The following SPTLC3 variants were observed in gnomAD, a reference collection of about 807,000 sequenced individuals.
SPTLC3 encodes serine palmitoyltransferase 3.
Under a neutral mutation model 59.3 loss-of-function variants are expected in SPTLC3, and 36 were observed. The ratio of observed to expected loss-of-function variants is 0.61; its 90% CI spans 0.47 to 0.80. The LOEUF (loss-of-function observed/expected upper bound fraction) is 0.80, where lower values mean the gene tolerates loss of function less well. SPTLC3 is among the 30% of genes least tolerant of loss of function. The pLI is 0.00. For missense variants in SPTLC3, 625 were observed against 685.1 expected (o/e 0.91, Z 0.98); for synonymous variants, 257 against 240.8 (o/e 1.07, Z -0.62).
At chr20:13,149,840 G>T (rs1600389158) in intron 9 of SPTLC3, among the ~76,000 whole-genome samples, 1 of 152,188 alleles carries the variant, frequency 6.6e-6, no homozygotes, top group Non-Finnish European at 1.5e-5. Flanking sequence ...AAGTAGCTAG[G>T]CAGCCAATGA....
At chr20:13,122,338 A>G (rs117600718) in intron 8 of SPTLC3, among the ~76,000 whole-genome samples, 3 of 152,356 alleles carry the variant, frequency 2.0e-5, no homozygotes, top group Non-Finnish European at 4.4e-5. Context: ...TGAGTAGATC[A>G]GGAACTCCCC....
chr20:13,158,377 G>A lies in SPTLC3; in HGVS notation c.1416-1626G>A, dbSNP rs2038821611. The stretch of plus-strand genomic sequence containing the variant: ...AATGCTCCAGGGAGACGCCAGGTTA[G>A]ACTAATGAATCAACAGAGTCATATA... On this transcript the variant is annotated intron_variant, in intron 10 of 11. Coordinates refer to ENST00000399002, the MANE Select transcript of SPTLC3 (RefSeq NM_018327.4). 2.0e-5 allele frequency among the ~76,000 whole-genome samples: 3 copies of A among 152,146 alleles called. No homozygotes were observed. In the South Asian group the frequency reaches 6.2e-4, roughly 32 times the overall value.
intron 1 of SPTLC3, among the ~76,000 whole-genome samples, chr20:13,041,402 TG>T (rs1387796765): frequency 6.6e-6 from 1 of 152,182 alleles, no homozygotes; most frequent in Non-Finnish European, 1.5e-5. Flanking sequence ...AGTAAGTTTT[TG>T]TTTCTGTTAT....
intron 1 of SPTLC3, among the ~76,000 whole-genome samples, chr20:13,012,574 C>G (rs1367487623): frequency 6.6e-6 from 1 of 152,120 alleles, no homozygotes; most frequent in Non-Finnish European, 1.5e-5. Context: ...GATACTAGTA[C>G]TAGAAGTTGG....
intron 2 of SPTLC3, among the ~76,000 whole-genome samples, chr20:13,068,761 A>AAAAC (rs961138405): frequency 1.3e-5 from 2 of 151,202 alleles, no homozygotes; most frequent in Non-Finnish European, 2.9e-5. Flanking sequence ...AAAAAAAAAA[A>AAAAC]AACAACAACA....
chr20:13,038,263 G>A (rs75629473), intron 1 of SPTLC3, among the ~76,000 whole-genome samples: 7,700 of 152,040 alleles, frequency 0.051, 234 homozygotes, highest in South Asian at 0.082. Context: ...GTAAAGAATA[G>A]GCATTAATTC....
rs999786173 is a variant in SPTLC3 at position 13,165,854 on chromosome 20, A to C, written c.*987A>C. On this transcript the variant is annotated 3_prime_UTR_variant, in exon 12 of 12. Transcript: ENST00000399002. ...ATTCTGACTTTTTCAAGACCAACAC[A>C]CTTGTTTAGGCCTATTAAATTGTAC... 1.3e-5 allele frequency: 2 copies of C among 152,142 alleles called. No homozygotes were observed. The highest frequency in any genetic ancestry group is 2.9e-5 in the Non-Finnish European group (2 of 68,010). The allele number at this position is 152,142 out of a possible 1,614,324, so 9.4% of individuals were successfully genotyped here.
intron 10 of SPTLC3, among the ~76,000 whole-genome samples, chr20:13,159,108 A>G (rs1344224072): frequency 6.6e-6 from 1 of 152,236 alleles, no homozygotes; most frequent in Non-Finnish European, 1.5e-5. Context: ...CTCTCAGCAC[A>G]AGATATTTAC....
At chr20:13,034,697 T>C (rs1480385574) in intron 1 of SPTLC3, among the ~76,000 whole-genome samples, 1 of 152,048 alleles carries the variant, frequency 6.6e-6, no homozygotes, top group Non-Finnish European at 1.5e-5. Context: ...AACTTTACCA[T>C]CACACATAAA....
intron 9 of SPTLC3, among the ~76,000 whole-genome samples, chr20:13,138,703 A>G (rs1185355324): frequency 1.3e-5 from 2 of 152,202 alleles, no homozygotes; most frequent in Non-Finnish European, 2.9e-5. Flanking sequence ...TAACTACTTC[A>G]TGGATGGGTG....
chr20:13,067,705 T>C (rs894578523), intron 2 of SPTLC3, among the ~76,000 whole-genome samples: 2 of 152,198 alleles, frequency 1.3e-5, no homozygotes, highest in Admixed American at 6.5e-5. Flanking sequence ...AGTTAGGTTC[T>C]TATACTTCAA....
rs938925867 is a variant in SPTLC3, at chr20:13,167,435, C to T, written c.*2568C>T. The T allele has an allele frequency of 6.6e-6, 1 of 152,116 alleles. No homozygotes were observed. The highest frequency in any genetic ancestry group is 2.4e-5 in the African/African-American group (1 of 41,408). 9.4% of individuals were successfully genotyped at this position (152,116 alleles called of 1,614,324 possible). A position where few individuals can be genotyped will look rare whatever the true frequency, so the allele number is the denominator to read the frequency against. On this transcript the variant is annotated 3_prime_UTR_variant, in exon 12 of 12. Coordinates refer to ENST00000399002, the MANE Select transcript of SPTLC3 (RefSeq NM_018327.4). ...TTCTATAATGTTATGCGCACTCAGCCCTTCTGTTCACATTTACACACATGC... is the reference window on the plus strand; with the variant it reads ...TTCTATAATGTTATGCGCACTCAGCTCTTCTGTTCACATTTACACACATGC...
intron 1 of SPTLC3, among the ~76,000 whole-genome samples, chr20:13,010,365 G>C (rs1383301186): frequency 6.6e-6 from 1 of 152,194 alleles, no homozygotes; most frequent in African/African-American, 2.4e-5. Flanking sequence ...AAGGCAGATT[G>C]TTCTAAGATC....
At chr20:13,078,599 C>A (rs1490014604) in intron 4 of SPTLC3, among the ~76,000 whole-genome samples, 1 of 151,996 alleles carries the variant, frequency 6.6e-6, no homozygotes, top group Non-Finnish European at 1.5e-5. Flanking sequence ...AAGTACTAAA[C>A]AATATAATTA....
chr20:13,015,543 T>A (rs776161512), intron 1 of SPTLC3, among the ~76,000 whole-genome samples: 1 of 152,136 alleles, frequency 6.6e-6, no homozygotes, highest in Non-Finnish European at 1.5e-5. Context: ...AGAGGAAGAC[T>A]CAGGATGAAA....
intron 9 of SPTLC3, among the ~76,000 whole-genome samples, chr20:13,148,065 G>A (rs927692559): frequency 6.6e-6 from 1 of 152,206 alleles, no homozygotes; most frequent in Admixed American, 6.5e-5. Flanking sequence ...TAACAGAGAA[G>A]AAATTTTCCT....
chr20:13,027,421 G>A (rs1457759797), intron 1 of SPTLC3, among the ~76,000 whole-genome samples: 1 of 152,088 alleles, frequency 6.6e-6, no homozygotes, highest in Non-Finnish European at 1.5e-5. Flanking sequence ...AGAAAAGTGA[G>A]ATCAAAACCA....
At chr20:13,103,348 T>C (rs1989689306) in intron 6 of SPTLC3, among the ~76,000 whole-genome samples, 1 of 152,220 alleles carries the variant, frequency 6.6e-6, no homozygotes, top group Non-Finnish European at 1.5e-5. Flanking sequence ...AAATACCCGC[T>C]ACTTACTATT....
chr20:13,009,301 G>A lies in SPTLC3; in HGVS notation c.34G>A (p.Gly12Arg), dbSNP rs367635062. The change falls in exon 1 of 12, where the codon GGG becomes AGG. Residue 12 changes from glycine (G) to arginine (R), a missense_variant. Coordinates refer to ENST00000399002, the MANE Select transcript of SPTLC3 (RefSeq NM_018327.4). ...ANPGGGAVCN[G>R]KLHNHKKQSN... ...CCCTGGAGGTGGTGCTGTTTGCAACGGGAAACTTCACAATCACAAGAAACA... is the reference window on the plus strand; with the variant it reads ...CCCTGGAGGTGGTGCTGTTTGCAACAGGAAACTTCACAATCACAAGAAACA... The A allele has an allele frequency of 2.9e-5, 46 of 1,613,886 alleles. No individual in the cohort carries two copies. Among genetic ancestry groups the A allele is most frequent in the Middle Eastern group, 1.6e-4 (1 of 6,084 alleles).
Sources: gnomAD v4.1 joint callset for allele counts (sites outside exome capture counted in the v4.1 genomes callset) on GRCh38, gnomAD v4.1.1 for gene constraint, MANE v1.5 for transcripts, NCBI Gene and HGNC (gene_info 2026-07-23, HGNC 2026-07-21) for gene names.